The following RGS6 variants were observed in gnomAD, a reference collection of about 807,000 sequenced individuals.
RGS6 encodes the protein regulator of G protein signaling 6.
A neutral mutation model predicts 78.5 loss-of-function variants in RGS6; 30 were observed. That is an observed-to-expected ratio of 0.38 (90% CI 0.29 to 0.52). RGS6 has a LOEUF of 0.52. Among genes scored for constraint, RGS6 ranks in the 20% least tolerant of loss-of-function variants. The probability of loss-of-function intolerance (pLI) is 0.85; values close to 1 mark genes in which losing one functional copy is unlikely to be tolerated. For synonymous variants in RGS6, 206 were observed against 206.0 expected, an observed-to-expected ratio of 1.00 and a Z score of 0.00; for missense variants, 495 against 609.7, an observed-to-expected ratio of 0.81 and a Z score of 1.98.
At chr14:72,344,971 C>T (rs187497469) in intron 2 of RGS6, among the ~76,000 whole-genome samples, 131 of 152,290 alleles carry the variant, frequency 8.6e-4, no homozygotes, top group Non-Finnish European at 1.5e-3. Context: ...TTTCCATTCT[C>T]CTCTTGCCCT....
intron 13 of RGS6, among the ~76,000 whole-genome samples, chr14:72,502,724 A>C (rs2096744626): frequency 6.6e-6 from 1 of 152,186 alleles, no homozygotes. Context: ...AGATCGTGCC[A>C]TTGCACTCCA....
intron 2 of RGS6, among the ~76,000 whole-genome samples, chr14:72,036,299 C>G (rs932356438): frequency 7.0e-6 from 1 of 142,206 alleles, no homozygotes; most frequent in Non-Finnish European, 1.5e-5. Flanking sequence ...TGTTTTTCAC[C>G]CATTGTAGAG....
At chr14:71,990,012 A>G (rs1355760582) in intron 2 of RGS6, among the ~76,000 whole-genome samples, 1 of 152,192 alleles carries the variant, frequency 6.6e-6, no homozygotes, top group African/African-American at 2.4e-5. Flanking sequence ...ACAGTTCTGC[A>G]GGTGTACAAG....
At chr14:72,458,524 C>T in intron 5 of RGS6, 147 bp downstream of exon 5, 1 of 628,232 alleles carries the variant, frequency 1.6e-6, no homozygotes, top group Admixed American at 2.9e-5. Flanking sequence ...GAACTTTTCT[C>T]TGGGCCACTG....
chr14:72,459,703 G>A lies in RGS6; in HGVS notation c.394+20G>A. On this transcript the variant is annotated intron_variant, in intron 6 of 17. Transcript: ENST00000553525. ...ACTATGGTGAGAACTGAAGCCACTG[G>A]GAACTCTCAACTTCAACACTGTGTG... 1 of 1,613,476 alleles carries A rather than the reference G, an allele frequency of 6.2e-7. No individual in the cohort carries two copies. The highest frequency in any genetic ancestry group is 1.1e-5 in the South Asian group (1 of 91,068).
In RGS6 at chr14:72,286,458, GTTC is replaced by G. The variant is rs1284010045; in HGVS notation, c.85-65631_85-65629del. On this transcript the variant is annotated intron_variant, in intron 2 of 17. Transcript: ENST00000553525. The stretch of plus-strand genomic sequence containing the variant: ...CAGGAAGTGTGATGCATCCATTTTT[GTTC>G]TTCTTTCTCAAGATTGCTTTGGCTT... 2.6e-5 allele frequency among the ~76,000 whole-genome samples: 4 copies of G among 151,648 alleles called. No individual in the cohort carries two copies. In the East Asian group the frequency reaches 7.7e-4, roughly 29 times the overall value.
At chr14:71,868,826 G>C in the RGS6 span, among the ~76,000 whole-genome samples, 1 of 152,128 alleles carries the variant, frequency 6.6e-6, no homozygotes, top group Admixed American at 6.5e-5. Context: ...CATTCCTAAT[G>C]ATGGGGAGCC....
chr14:72,307,505 GTTGA>G (rs1205892979), intron 2 of RGS6, among the ~76,000 whole-genome samples: 16 of 152,212 alleles, frequency 1.1e-4, no homozygotes, highest in African/African-American at 3.9e-4. Flanking sequence ...TGTTTTTACA[GTTGA>G]TTATTTGACA....
rs576198362 is a variant in RGS6 at position 72,455,456 on chromosome 14, G to A, written c.235+878G>A. 7.9e-5 allele frequency among the ~76,000 whole-genome samples: 12 copies of A among 152,280 alleles called. No individual in the cohort carries two copies. The South Asian group carries it at 2.1e-3, about 26-fold the overall frequency. ...TCAGCTGTGAGTCCCTGCTGGAATC[G>A]GTGTGTCAGCTTGGCACTCCTGTAT... is the stretch of plus-strand genomic sequence containing the variant. On this transcript the variant is annotated intron_variant, in intron 4 of 17. Transcript: ENST00000553525.
chr14:71,899,459 T>C, the RGS6 span, among the ~76,000 whole-genome samples: 320 of 152,368 alleles, frequency 2.1e-3, no homozygotes, highest in African/African-American at 7.5e-3. Flanking sequence ...TGACTTTACC[T>C]CTACCACAAT....
At chr14:72,522,730 A>T (rs75618526) in intron 15 of RGS6, among the ~76,000 whole-genome samples, 4 of 152,224 alleles carry the variant, frequency 2.6e-5, no homozygotes, top group Non-Finnish European at 5.9e-5. Context: ...TTCTTCGCTC[A>T]TGGGATGTAA....
At chr14:72,560,617 T>C (rs2097659165) in intron 17 of RGS6, among the ~76,000 whole-genome samples, 3 of 152,242 alleles carry the variant, frequency 2.0e-5, no homozygotes, top group Admixed American at 6.5e-5. Flanking sequence ...GTACCTAACC[T>C]GGTCTAGACA....
rs746689778 is a variant in RGS6 at position 72,458,335 on chromosome 14, T to C, written c.300T>C (p.His100=). Residue 100 remains histidine, a synonymous_variant, in exon 5 of 18, where the codon CAT becomes CAC. Coordinates refer to ENST00000553525, the MANE Select transcript of RGS6 (RefSeq NM_001204424.2). ...AQGYIFPISD[H]VLTMKDDGTF... is the part of the protein sequence containing the mutation. ...GCTACATCTTTCCAATCTCAGACCA[T>C]GTTCTCACCATGAAGGATGATGGCA... 6 of 1,614,210 alleles carry C rather than the reference T, an allele frequency of 3.7e-6. No individual in the cohort carries two copies. Among genetic ancestry groups the C allele is most frequent in the Non-Finnish European group, 5.1e-6 (6 of 1,180,026 alleles).
chr14:71,971,042 T>A (rs1180358395), intron 2 of RGS6, among the ~76,000 whole-genome samples: 1 of 152,174 alleles, frequency 6.6e-6, no homozygotes, highest in East Asian at 1.9e-4. Flanking sequence ...GTGGTTGATA[T>A]GAAGCTAGGT....
the RGS6 span, among the ~76,000 whole-genome samples, chr14:71,901,459 G>A: frequency 6.6e-6 from 1 of 152,156 alleles, no homozygotes; most frequent in Non-Finnish European, 1.5e-5. Flanking sequence ...TTTCCAATGT[G>A]TCTTATAGTT....
At chr14:71,926,428 A>T in the RGS6 span, among the ~76,000 whole-genome samples, 1 of 152,162 alleles carries the variant, frequency 6.6e-6, no homozygotes, top group South Asian at 2.1e-4. Context: ...TACTAAAAAT[A>T]CAAAAATTAG....
In RGS6 at chr14:72,476,647, T is replaced by C. The variant is rs557404461; in HGVS notation, c.694-95T>C. ...CCAATCTCTTATTGTCATGAGGGGA[T>C]TCACGAAATTGGATGAGTCATTGGA... On this transcript the variant is annotated intron_variant, in intron 10 of 17. Transcript: ENST00000553525. The C allele has an allele frequency of 1.1e-4, 90 of 832,922 alleles. No individual in the cohort carries two copies. In the African/African-American group the frequency reaches 1.5e-3, roughly 14 times the overall value. 51.6% of individuals were successfully genotyped at this position (832,922 alleles called of 1,614,324 possible).
At chr14:72,554,955 T>C (rs2097550690) in intron 17 of RGS6, among the ~76,000 whole-genome samples, 2 of 152,274 alleles carry the variant, frequency 1.3e-5, no homozygotes, top group South Asian at 4.2e-4. Flanking sequence ...TGGGGGGCCA[T>C]GGAGAAAGGT....
intron 2 of RGS6, among the ~76,000 whole-genome samples, chr14:72,116,484 C>G (rs2095888068): frequency 6.6e-6 from 1 of 151,490 alleles, no homozygotes; most frequent in East Asian, 1.9e-4. Flanking sequence ...TGGCCTTTGC[C>G]TACTAGATGC....
Sources: allele counts gnomAD v4.1 joint callset (sites outside exome capture counted in the v4.1 genomes callset), GRCh38; gene constraint gnomAD v4.1.1; transcripts MANE v1.5; gene names NCBI Gene and HGNC (gene_info 2026-07-23, HGNC 2026-07-21).